SLC1A5: variants seen among roughly 807,000 people sequenced by gnomAD.
SLC1A5 encodes neutral amino acid transporter B(0).
Under a neutral mutation model 34.9 loss-of-function variants are expected in SLC1A5, and 25 were observed. The ratio of observed to expected loss-of-function variants is 0.72; its 90% CI spans 0.52 to 1.00. The LOEUF (loss-of-function observed/expected upper bound fraction) is 1.00. Among genes scored for constraint, SLC1A5 ranks in the 50% least tolerant of loss-of-function variants. SLC1A5 has a pLI of 0.00. For synonymous variants in SLC1A5, 351 were observed against 341.2 expected (o/e 1.03, Z -0.32); for missense variants, 637 against 740.0 (o/e 0.86, Z 1.61).
intron 1 of SLC1A5, among the ~76,000 whole-genome samples, chr19:46,786,574 A>G (rs1346408891): frequency 1.3e-5 from 2 of 151,984 alleles, no homozygotes. Flanking sequence ...GTGACTCATC[A>G]TTTCCTTCCC....
At chr19:46,779,328 G>A (rs899618786) in intron 4 of SLC1A5, among the ~76,000 whole-genome samples, 2 of 151,412 alleles carry the variant, frequency 1.3e-5, no homozygotes, top group African/African-American at 4.9e-5. Flanking sequence ...GGAGGCTCAG[G>A]CAGGAGAATT....
At chr19:46,786,433 G>C (rs920807943) in intron 1 of SLC1A5, among the ~76,000 whole-genome samples, 5 of 152,172 alleles carry the variant, frequency 3.3e-5, no homozygotes, top group African/African-American at 1.2e-4. Flanking sequence ...CCCAGGCCCA[G>C]GCTGGGCCAG....
At position 46,777,217 on chromosome 19, in the gene SLC1A5, GTGA is replaced by G; in HGVS notation, c.1244_1246del (p.Ile415del). 1 of 1,605,064 alleles carries G rather than the reference GTGA, an allele frequency of 6.2e-7. No homozygotes were observed. Among genetic ancestry groups the G allele is most frequent in the South Asian group, 1.1e-5 (1 of 90,132 alleles). On this transcript the variant is annotated inframe_deletion, in exon 6 of 8. Transcript: ENST00000542575. ...GCAGCCCCCTGACACTCACAGGATG[GTGA>G]TGATCTTTACGAAGTCCAAGGACTG...
In SLC1A5 at chr19:46,782,569, C is replaced by T. The variant is rs753145096; in HGVS notation, c.658-20G>A. On this transcript the variant is annotated intron_variant, in intron 3 of 7. Coordinates refer to ENST00000542575, the MANE Select transcript of SLC1A5 (RefSeq NM_005628.3). Reference sequence around the variant, plus strand: ...GGGCACCTGTGGGCAAGGAACAGATCGGGGTGGAAAGGACACTCAGTCTAC... The same window carrying T: ...GGGCACCTGTGGGCAAGGAACAGATTGGGGTGGAAAGGACACTCAGTCTAC... 11 of 1,613,144 alleles carry T rather than the reference C, an allele frequency of 6.8e-6. No homozygotes were observed. The highest frequency in any genetic ancestry group is 2.2e-5 in the East Asian group (1 of 44,890).
At chr19:46,776,784 T>C in intron 7 of SLC1A5, 191 bp downstream of exon 7, 1 of 604,594 alleles carries the variant, frequency 1.7e-6, no homozygotes, top group East Asian at 2.9e-5. Flanking sequence ...TCTACTTTTC[T>C]GACATCCCTC....
chr19:46,776,467 C>G (rs946587407), intron 7 of SLC1A5, among the ~76,000 whole-genome samples: 9 of 152,118 alleles, frequency 5.9e-5, no homozygotes, highest in African/African-American at 2.2e-4. Flanking sequence ...CTGGGCCTCC[C>G]AAAATGTTGG....
chr19:46,777,684 C>T (rs1362204512), intron 5 of SLC1A5, among the ~76,000 whole-genome samples: 2 of 147,452 alleles, frequency 1.4e-5, no homozygotes, highest in Non-Finnish European at 3.0e-5. Flanking sequence ...CCAGATCCCG[C>T]CCATACCACT....
At chr19:46,785,107 C>A (rs1015777471) in intron 1 of SLC1A5, among the ~76,000 whole-genome samples, 3 of 152,074 alleles carry the variant, frequency 2.0e-5, no homozygotes, top group Admixed American at 6.5e-5. Context: ...AAGGCCAAGG[C>A]GCCATGGCTC....
rs749355283 is a variant in SLC1A5, at chr19:46,787,669, CA to C, written c.296del (p.Leu99ArgfsTer4). 1 of 1,592,290 alleles carries C rather than the reference CA, an allele frequency of 6.3e-7. No individual in the cohort carries two copies. The highest frequency in any genetic ancestry group is 1.7e-5 in the Admixed American group (1 of 57,736). ...FVFPGELLLR[L>X]LRMIILPLVV... ...CCAGCGGCAAGATGATCATCCGCAG[CA>C]GACGCAGCAGCAGCTCGCCCGGGAA... On this transcript the variant is annotated frameshift_variant, in exon 1 of 8. Coordinates refer to ENST00000542575, the MANE Select transcript of SLC1A5 (RefSeq NM_005628.3). LOFTEE classifies it high-confidence loss of function. The surrounding 1 kb of genome is among the most constrained non-coding windows in gnomAD (Gnocchi z 5.2).
intron 4 of SLC1A5, among the ~76,000 whole-genome samples, chr19:46,779,997 C>T (rs972055162): frequency 2.6e-5 from 4 of 151,976 alleles, no homozygotes; most frequent in East Asian, 2.0e-4. Context: ...GGACTATAGG[C>T]GCGTGCTACC....
rs1438769420 is a variant in SLC1A5 at position 46,787,505 on chromosome 19, T to C, written c.461A>G (p.Gln154Arg). 1 of 1,581,548 alleles carries C rather than the reference T, an allele frequency of 6.3e-7. No individual in the cohort carries two copies. Among genetic ancestry groups the C allele is most frequent in the South Asian group, 1.1e-5 (1 of 87,128 alleles). ...GATGGCGGCGGAGGCGGCGCCCGGC[T>C]GCAGAGCCAGCGCCAAGCCCACTCC... ...ALGVGLALAL[Q>R]PGAASAAINA... The change falls in exon 1 of 8, where the codon CAG (glutamine) becomes CGG (arginine). Residue 154 changes from glutamine (Q) to arginine (R), a missense_variant. By Grantham distance (43) the Gln-to-Arg change is conservative. Transcript: ENST00000542575. This position sits in a 1 kb window ranked among gnomAD's most constrained non-coding sequence, Gnocchi z 5.2.
At chr19:46,777,455 C>T (rs778917139) in intron 5 of SLC1A5, 50 bp from the exon 6 acceptor site, 11 of 1,522,706 alleles carry the variant, frequency 7.2e-6, no homozygotes, top group African/African-American at 2.7e-5. Context: ...ACCGGGGCTC[C>T]GCCCACCCTC....
rs1047096250 is a variant in SLC1A5 at position 46,787,392 on chromosome 19, G to A, written c.566+8C>T. On this transcript the variant is annotated splice_region_variant and intron_variant, in intron 1 of 7. Transcript: ENST00000542575. The surrounding 1 kb of genome is among the most constrained non-coding windows in gnomAD (Gnocchi z 5.2). ...TCTTCCCCACCTCCCGGGGGAGCGG[G>A]AGCTGACCTCGCAAGATCCAGGAAC... is the stretch of plus-strand genomic sequence containing the variant. The A allele has an allele frequency of 2.5e-6, 4 of 1,587,868 alleles. No individual in the cohort carries two copies. Among genetic ancestry groups the A allele is most frequent in the African/African-American group, 2.7e-5 (2 of 74,302 alleles).
At chr19:46,784,251 G>A (rs995239273) in intron 2 of SLC1A5, 107 bp from the exon 3 acceptor site, 3 of 907,456 alleles carry the variant, frequency 3.3e-6, no homozygotes, top group Non-Finnish European at 1.8e-6. Flanking sequence ...CTTTCAATGT[G>A]ATCTCATTTC....
rs201789855 is a variant in SLC1A5 at position 46,782,334 on chromosome 19, A to G, written c.824+49T>C. On this transcript the variant is annotated intron_variant, in intron 4 of 7. Coordinates refer to ENST00000542575, the MANE Select transcript of SLC1A5 (RefSeq NM_005628.3). ...GCCCCGCACCTGCCTCTGGCAGCAG[A>G]CCGACCCTCCAACCCCACCCACCCC... The G allele has an allele frequency of 1.7e-5, 22 of 1,301,670 alleles. No homozygotes were observed. In the African/African-American group the frequency reaches 3.0e-4, roughly 18 times the overall value. The allele number at this position is 1,301,670 out of a possible 1,614,324, so 80.6% of individuals were successfully genotyped here.
Position 46,775,303 on chromosome 19 carries a change from TG to T in SLC1A5, c.*206del, listed in dbSNP as rs1475108240. ...TTGAGTTGGGGACATGAGTGAGAAC[TG>T]GGGGTTTTGAGGAGTAACCCTTGTG... On this transcript the variant is annotated 3_prime_UTR_variant, in exon 8 of 8. Coordinates refer to ENST00000542575, the MANE Select transcript of SLC1A5 (RefSeq NM_005628.3). 1.7e-5 allele frequency: 23 copies of T among 1,347,704 alleles called. No individual in the cohort carries two copies. The highest frequency in any genetic ancestry group is 2.2e-5 in the Non-Finnish European group (23 of 1,049,196). The allele number at this position is 1,347,704 out of a possible 1,614,324, so 83.5% of individuals were successfully genotyped here.
At position 46,778,902 on chromosome 19, in the gene SLC1A5, G is replaced by A; in HGVS notation, c.831C>T (p.Ala277=). The A allele has an allele frequency of 6.4e-7, 1 of 1,560,950 alleles. No homozygotes were observed. Among genetic ancestry groups the A allele is most frequent in the African/African-American group, 1.4e-5 (1 of 73,704 alleles). Residue 277 remains alanine, a synonymous_variant, in exon 5 of 8, where the codon GCC becomes GCT. Coordinates refer to ENST00000542575, the MANE Select transcript of SLC1A5 (RefSeq NM_005628.3). The part of the protein sequence containing the change: ...MVLVSWIMWY[A]PVGIMFLVAG... ...CCACCAGGAACATGATGCCCACAGG[G>A]GCGTACCTGATCAGTAACACAGGAG... is the stretch of plus-strand genomic sequence containing the variant.
chr19:46,780,860 G>T (rs942978838), intron 4 of SLC1A5, among the ~76,000 whole-genome samples: 3 of 151,908 alleles, frequency 2.0e-5, no homozygotes, highest in African/African-American at 7.2e-5. Context: ...GGTCCCAGCT[G>T]CTCAGGAGGC....
Position 46,787,865 on chromosome 19 carries a change from G to A in SLC1A5, c.101C>T (p.Ala34Val). Residue 34 changes from alanine (A) to valine (V), a missense_variant, in exon 1 of 8, where the codon GCA (alanine) becomes GTA (valine). Transcript: ENST00000542575. The surrounding 1 kb of genome is among the most constrained non-coding windows in gnomAD (Gnocchi z 5.2). ...CCGGGAACCGCAGTAGCCGCCTGCT[G>A]CCGCGCCTTGGTCCTCGATGGAGGC... ...ALASIEDQGA[A>V]AGGYCGSRDQ... The A allele has an allele frequency of 6.4e-7, 1 of 1,558,848 alleles. No individual in the cohort carries two copies. Among genetic ancestry groups the A allele is most frequent in the Middle Eastern group, 1.7e-4 (1 of 5,928 alleles).
Sources: allele counts gnomAD v4.1 joint callset (sites outside exome capture counted in the v4.1 genomes callset), GRCh38; gene constraint gnomAD v4.1.1; non-coding constraint Gnocchi (gnomAD v3.1); transcripts MANE v1.5; gene names NCBI Gene and HGNC (gene_info 2026-07-23, HGNC 2026-07-21).